The following PTPRN2 variants were observed in gnomAD, a reference collection of about 807,000 sequenced individuals.
The protein encoded by PTPRN2 is receptor-type tyrosine-protein phosphatase N2.
Under a neutral mutation model 118.8 loss-of-function variants are expected in PTPRN2, and 74 were observed. The ratio of observed to expected loss-of-function variants is 0.62; its 90% CI spans 0.52 to 0.76. PTPRN2 has a LOEUF of 0.76. Among genes scored for constraint, PTPRN2 ranks in the 30% least tolerant of loss-of-function variants. The pLI is 0.00. For missense variants in PTPRN2, 1,481 were observed against 1,394.4 expected (o/e 1.06, Z -0.99); for synonymous variants, 641 against 608.0 (o/e 1.05, Z -0.80).
chr7:157,755,346 ATGT>A (rs952119426), intron 12 of PTPRN2, among the ~76,000 whole-genome samples: 6 of 152,202 alleles, frequency 3.9e-5, no homozygotes, highest in Non-Finnish European at 7.3e-5. Flanking sequence ...GCTTCTGATG[ATGT>A]TTGTTATTTT....
chr7:158,389,337 G>C (rs896762), intron 2 of PTPRN2, among the ~76,000 whole-genome samples: 1 of 152,108 alleles, frequency 6.6e-6, no homozygotes, highest in Non-Finnish European at 1.5e-5. Flanking sequence ...AAGTGAAAGC[G>C]CACTTTGACT....
At chr7:158,181,538 T>C (rs1264801569) in intron 5 of PTPRN2, among the ~76,000 whole-genome samples, 2 of 152,194 alleles carry the variant, frequency 1.3e-5, no homozygotes, top group Admixed American at 1.3e-4. Flanking sequence ...GTGTCTGGTA[T>C]AATTCAGCTG....
chr7:158,294,076 G>A (rs550193969), intron 3 of PTPRN2, among the ~76,000 whole-genome samples: 1 of 152,134 alleles, frequency 6.6e-6, no homozygotes, highest in Non-Finnish European at 1.5e-5. Context: ...AAGTGGGAGT[G>A]CAGTTGGCTC....
intron 2 of PTPRN2, among the ~76,000 whole-genome samples, chr7:158,354,152 G>A (rs537014945): frequency 9.9e-5 from 15 of 152,168 alleles, no homozygotes; most frequent in Non-Finnish European, 2.2e-4. Context: ...GGCTTAAGGC[G>A]CCATCTAGTG....
intron 16 of PTPRN2, 82 bp from the exon 17 acceptor site, chr7:157,595,397 C>T: frequency 7.4e-7 from 1 of 1,348,806 alleles, no homozygotes; most frequent in East Asian, 2.3e-5. Flanking sequence ...GTTAGGAAGC[C>T]AGAAGGTTAG....
intron 1 of PTPRN2, among the ~76,000 whole-genome samples, chr7:158,577,801 C>A (rs974778348): frequency 6.6e-6 from 1 of 152,254 alleles, no homozygotes; most frequent in Non-Finnish European, 1.5e-5. Context: ...CCACAGGTCT[C>A]CCCTTGGACT....
intron 11 of PTPRN2, among the ~76,000 whole-genome samples, chr7:157,943,730 C>T (rs1295613372): frequency 6.6e-6 from 1 of 151,976 alleles, no homozygotes; most frequent in East Asian, 1.9e-4. Context: ...GACGCCAAGG[C>T]CCCTCTAGGA....
chr7:157,576,501 C>T, intron 19 of PTPRN2, 112 bp downstream of exon 19: 1 of 1,168,664 alleles, frequency 8.6e-7, no homozygotes, highest in South Asian at 1.7e-5. Flanking sequence ...CCCTGCGGCG[C>T]CGACACAGAC....
intron 12 of PTPRN2, among the ~76,000 whole-genome samples, chr7:157,717,704 C>T (rs1267188588): frequency 6.6e-6 from 1 of 152,284 alleles, no homozygotes; most frequent in Non-Finnish European, 1.5e-5. Context: ...CTCCTTGCTG[C>T]AGGACCGCTG....
intron 22 of PTPRN2, among the ~76,000 whole-genome samples, chr7:157,546,014 T>C (rs1292038338): frequency 2.0e-5 from 3 of 152,186 alleles, no homozygotes; most frequent in Non-Finnish European, 4.4e-5. Flanking sequence ...AGTCACGGAT[T>C]AAGATGTGAT....
intron 10 of PTPRN2, among the ~76,000 whole-genome samples, chr7:158,083,112 C>T (rs1444746714): frequency 6.6e-6 from 1 of 152,196 alleles, no homozygotes; most frequent in Non-Finnish European, 1.5e-5. Context: ...CCACAGTCTT[C>T]CAGAAGGGCC....
At chr7:157,641,574 A>C (rs1804670108) in intron 14 of PTPRN2, among the ~76,000 whole-genome samples, 1 of 152,174 alleles carries the variant, frequency 6.6e-6, no homozygotes, top group Admixed American at 6.5e-5. Flanking sequence ...CAGAGTTCAC[A>C]GGATGTAATG....
chr7:158,343,129 G>C (rs1263180390), intron 2 of PTPRN2, among the ~76,000 whole-genome samples: 1 of 152,140 alleles, frequency 6.6e-6, no homozygotes, highest in Admixed American at 6.5e-5. Flanking sequence ...AGGCAGCCAG[G>C]GAGTGGGGAA....
rs370441596 is a variant in PTPRN2 at position 158,396,446 on chromosome 7, CGT to C, written c.164-79516_164-79515del. 1.4e-3 allele frequency among the ~76,000 whole-genome samples: 204 copies of C among 148,494 alleles called. 1 individual carries two copies. The highest frequency in any genetic ancestry group is 5.4e-3 in the South Asian group (25 of 4,644). On this transcript the variant is annotated intron_variant, in intron 2 of 22. Coordinates refer to ENST00000389418, the MANE Select transcript of PTPRN2 (RefSeq NM_002847.5). ...CACGTGTGTGTGCATGAATGTGTCA[CGT>C]GTGTGCACGCGTGTACATGCATGTG...
At chr7:157,800,536 C>G (rs1381947621) in intron 12 of PTPRN2, among the ~76,000 whole-genome samples, 3 of 152,228 alleles carry the variant, frequency 2.0e-5, no homozygotes, top group Non-Finnish European at 4.4e-5. Flanking sequence ...CTGGGAACAC[C>G]CTCGTACGGA....
intron 6 of PTPRN2, among the ~76,000 whole-genome samples, chr7:158,151,514 T>TGCCTCTCCCTGCCCACACCACC (rs1563522262): frequency 6.8e-6 from 1 of 146,076 alleles, no homozygotes; most frequent in African/African-American, 2.5e-5. Flanking sequence ...TTTCTGCTCC[T>TGCCTCTCCCTGCCCACACCACC]CACCGCACGT....
At chr7:158,475,440 AGGT>A (rs1379942680) in intron 2 of PTPRN2, among the ~76,000 whole-genome samples, 1 of 152,122 alleles carries the variant, frequency 6.6e-6, no homozygotes, top group Non-Finnish European at 1.5e-5. Flanking sequence ...TGCTGGAGAA[AGGT>A]GACCTTGTGC....
intron 11 of PTPRN2, among the ~76,000 whole-genome samples, chr7:158,024,706 G>A (rs1015447182): frequency 2.0e-5 from 3 of 152,190 alleles, no homozygotes; most frequent in African/African-American, 7.2e-5. Flanking sequence ...AGAGAAAACT[G>A]CTTTAGGAGC....
intron 11 of PTPRN2, among the ~76,000 whole-genome samples, chr7:157,934,319 T>C (rs1267439356): frequency 6.6e-6 from 1 of 152,230 alleles, no homozygotes; most frequent in African/African-American, 2.4e-5. Context: ...TAAGAATTGA[T>C]TTGACTTTAA....
Sources: gnomAD v4.1 joint callset for allele counts (sites outside exome capture counted in the v4.1 genomes callset) on GRCh38, gnomAD v4.1.1 for gene constraint, MANE v1.5 for transcripts, NCBI Gene and HGNC (gene_info 2026-07-23, HGNC 2026-07-21) for gene names.